Variants in EDIL3 observed in about 807,000 individuals in gnomAD.
EDIL3 encodes the protein EGF like and discoidin domains 3, also known as EGF-like repeat and discoidin I-like domain-containing protein 3.
A neutral mutation model predicts 67.4 loss-of-function variants in EDIL3; 37 were observed. The ratio of observed to expected loss-of-function variants is 0.55; its 90% CI spans 0.42 to 0.72. EDIL3 has a LOEUF of 0.72. Ranked by LOEUF, EDIL3 falls within the 30% of genes least tolerant of loss-of-function variation. The pLI, the probability that EDIL3 is intolerant of heterozygous loss-of-function variation, is 0.00. For synonymous variants in EDIL3, 195 were observed against 196.3 expected (o/e 0.99, Z 0.05); for missense variants, 527 against 586.3 (o/e 0.90, Z 1.04).
chr5:84,222,885 T>TA (rs1430656066), intron 3 of EDIL3, among the ~76,000 whole-genome samples: 2 of 151,852 alleles, frequency 1.3e-5, no homozygotes, highest in Non-Finnish European at 3.0e-5. Context: ...ATTAATCCCT[T>TA]ACAAGATTTA....
At chr5:84,357,823 G>A (rs982383537) in intron 1 of EDIL3, among the ~76,000 whole-genome samples, 1 of 150,894 alleles carries the variant, frequency 6.6e-6, no homozygotes, top group East Asian at 2.0e-4. Flanking sequence ...AGGAGACAGA[G>A]GTTGCTGTAA....
At chr5:84,074,453 A>G (rs1247205669) in intron 6 of EDIL3, among the ~76,000 whole-genome samples, 2 of 152,220 alleles carry the variant, frequency 1.3e-5, no homozygotes, top group African/African-American at 4.8e-5. Flanking sequence ...TACTCATCTG[A>G]CAAAGGGCTA....
At chr5:84,091,161 G>A (rs1398565055) in intron 6 of EDIL3, among the ~76,000 whole-genome samples, 1 of 152,040 alleles carries the variant, frequency 6.6e-6, no homozygotes, top group Admixed American at 6.6e-5. Flanking sequence ...CTAGCTGCCT[G>A]GGTTTGACTC....
chr5:84,122,905 T>A (rs1198731302), intron 5 of EDIL3, among the ~76,000 whole-genome samples: 1 of 151,918 alleles, frequency 6.6e-6, no homozygotes, highest in Non-Finnish European at 1.5e-5. Flanking sequence ...ATACTTTAGT[T>A]TTCTAAGATT....
intron 1 of EDIL3, among the ~76,000 whole-genome samples, chr5:84,269,087 T>C (rs1745410024): frequency 1.3e-5 from 2 of 152,238 alleles, no homozygotes; most frequent in Admixed American, 1.3e-4. Context: ...TCATTTTATG[T>C]ATCCTTTCTG....
At chr5:84,154,596 TAGG>T (rs1048242394) in intron 4 of EDIL3, among the ~76,000 whole-genome samples, 47 of 151,900 alleles carry the variant, frequency 3.1e-4, no homozygotes, top group African/African-American at 1.1e-3. Context: ...TTTTGCTTGT[TAGG>T]AGAAGTATAA....
At chr5:83,990,294 T>C (rs1373289389) in intron 9 of EDIL3, among the ~76,000 whole-genome samples, 4 of 151,980 alleles carry the variant, frequency 2.6e-5, no homozygotes, top group African/African-American at 9.7e-5. Context: ...TGAGACCATT[T>C]TGGCCAACCT....
rs566803411 is a variant in EDIL3 at position 83,978,986 on chromosome 5, C to T, written c.1138-15626G>A. On this transcript the variant is annotated intron_variant, in intron 9 of 10. Transcript: ENST00000296591. ...AATGAAAATTTCCATACAACTAAAA[C>T]ATAGTAAACAAAATCAAAAGAAAAC... Among the ~76,000 whole-genome samples the T allele has an allele frequency of 1.6e-4, 24 of 152,026 alleles. No individual in the cohort carries two copies. The East Asian group carries it at 4.3e-3, about 27-fold the overall frequency.
At chr5:84,076,424 A>AT (rs1319334579) in intron 6 of EDIL3, among the ~76,000 whole-genome samples, 1 of 152,160 alleles carries the variant, frequency 6.6e-6, no homozygotes, top group Non-Finnish European at 1.5e-5. Context: ...ACCAATGAAG[A>AT]TTTTGTATTC....
chr5:84,287,092 T>C (rs1745821089), intron 1 of EDIL3, among the ~76,000 whole-genome samples: 1 of 152,182 alleles, frequency 6.6e-6, no homozygotes, highest in African/African-American at 2.4e-5. Context: ...TAATGGGAGA[T>C]GCAGAGACTC....
intron 6 of EDIL3, among the ~76,000 whole-genome samples, chr5:84,085,578 C>T (rs918883909): frequency 1.3e-5 from 2 of 152,284 alleles, no homozygotes; most frequent in East Asian, 1.9e-4. Flanking sequence ...ACCAACCTGA[C>T]GCCAGCCAGA....
intron 9 of EDIL3, among the ~76,000 whole-genome samples, chr5:84,011,411 C>T (rs1745514972): frequency 6.6e-6 from 1 of 152,116 alleles, no homozygotes; most frequent in Admixed American, 6.6e-5. Flanking sequence ...AGTTCAAAAT[C>T]CTTTCTTATT....
At position 84,151,958 on chromosome 5, in the gene EDIL3, C is replaced by T. The variant is rs114345071; in HGVS notation, c.356-14604G>A. 9.5e-4 allele frequency among the ~76,000 whole-genome samples: 143 copies of T among 150,350 alleles called. 2 individuals carry two copies. The highest frequency in any genetic ancestry group is 3.3e-3 in the African/African-American group (134 of 40,806). On this transcript the variant is annotated intron_variant, in intron 4 of 10. Transcript: ENST00000296591. ...AGATGGACTCTAGATCTGTAGCCCA[C>T]GCAGGAGAGCAGTGGCACGATCTAG...
In EDIL3 at chr5:84,352,118, T is replaced by C. The variant is rs4518371; in HGVS notation, c.67+32190A>G. ...CTCACATCAGTCAGCATGACTTCTA[T>C]TAAAAAAATTAAAAAAACAACAGAT... On this transcript the variant is annotated intron_variant, in intron 1 of 10. Coordinates refer to ENST00000296591, the MANE Select transcript of EDIL3 (RefSeq NM_005711.5). Among the ~76,000 whole-genome samples the C allele has an allele frequency of 1.0e-3, 152 of 152,158 alleles. 1 individual carries two copies. The highest frequency in any genetic ancestry group is 3.6e-3 in the African/African-American group (151 of 41,532).
intron 1 of EDIL3, among the ~76,000 whole-genome samples, chr5:84,350,520 T>C (rs987859897): frequency 1.3e-5 from 2 of 152,018 alleles, no homozygotes; most frequent in Admixed American, 1.3e-4. Flanking sequence ...TTGCATATAG[T>C]TCAACCATAG....
chr5:84,379,734 A>G (rs1303988649), intron 1 of EDIL3, among the ~76,000 whole-genome samples: 1 of 152,080 alleles, frequency 6.6e-6, no homozygotes, highest in African/African-American at 2.4e-5. Context: ...TTAAAATCCT[A>G]TGGTAGAAGG....
intron 4 of EDIL3, among the ~76,000 whole-genome samples, chr5:84,175,132 G>A (rs940133250): frequency 2.6e-5 from 4 of 152,104 alleles, no homozygotes; most frequent in Non-Finnish European, 5.9e-5. Flanking sequence ...TAAACCCCAT[G>A]TCTCATTGCC....
chr5:84,177,515 T>C (rs1748941871), intron 4 of EDIL3, among the ~76,000 whole-genome samples: 2 of 152,132 alleles, frequency 1.3e-5, no homozygotes, highest in Non-Finnish European at 1.5e-5. Context: ...ACATACATGA[T>C]ATTATACATT....
intron 1 of EDIL3, among the ~76,000 whole-genome samples, chr5:84,290,825 C>T (rs1003272333): frequency 2.0e-5 from 3 of 152,084 alleles, no homozygotes; most frequent in Non-Finnish European, 4.4e-5. Context: ...TATTAATCTG[C>T]CTTATGTCAA....
Sources: allele counts gnomAD v4.1 joint callset (sites outside exome capture counted in the v4.1 genomes callset), GRCh38; gene constraint gnomAD v4.1.1; transcripts MANE v1.5; gene names NCBI Gene and HGNC (gene_info 2026-07-23, HGNC 2026-07-21).